Variants in STPG2 observed in about 807,000 individuals in gnomAD.
The protein encoded by STPG2 is sperm tail PG-rich repeat containing 2.
A neutral mutation model predicts 54.2 loss-of-function variants in STPG2; 56 were observed. That is an observed-to-expected ratio of 1.03 (90% CI 0.83 to 1.29). The LOEUF (loss-of-function observed/expected upper bound fraction) is 1.29, where lower values mean the gene tolerates loss of function less well. STPG2 is among the 50% of genes most tolerant of loss of function. STPG2 has a pLI of 0.00. For synonymous variants in STPG2, 200 were observed against 181.8 expected (o/e 1.10, Z -0.81); for missense variants, 596 against 544.9 (o/e 1.09, Z -0.93).
chr4:97,848,622 A>C (rs904776745), intron 8 of STPG2, among the ~76,000 whole-genome samples: 8 of 152,168 alleles, frequency 5.3e-5, no homozygotes, highest in Non-Finnish European at 7.4e-5. Context: ...TTTATTTCAA[A>C]AATAAAGAAG....
intron 5 of STPG2, among the ~76,000 whole-genome samples, chr4:97,982,568 C>T (rs890967449): frequency 4.6e-5 from 7 of 152,116 alleles, no homozygotes; most frequent in Non-Finnish European, 8.8e-5. Flanking sequence ...ATCTAGGATT[C>T]GTATTCCAAA....
chr4:98,082,923 C>G (rs2110117872), intron 5 of STPG2, among the ~76,000 whole-genome samples: 1 of 152,254 alleles, frequency 6.6e-6, no homozygotes, highest in East Asian at 1.9e-4. Context: ...TAAATCTACT[C>G]CATGTGTATT....
intron 8 of STPG2, among the ~76,000 whole-genome samples, chr4:97,865,719 A>G (rs1183201747): frequency 6.6e-6 from 1 of 151,972 alleles, no homozygotes; most frequent in East Asian, 1.9e-4. Flanking sequence ...GGTGAGGGGG[A>G]AGGGATAGTA....
At chr4:97,544,258 T>C (rs561667221) in intron 4 of STPG2, among the ~76,000 whole-genome samples, 1 of 152,242 alleles carries the variant, frequency 6.6e-6, no homozygotes, top group East Asian at 1.9e-4. Flanking sequence ...CGTAAAAGTA[T>C]ACAGACCAGA....
intron 9 of STPG2, among the ~76,000 whole-genome samples, chr4:97,770,701 A>C (rs1279555179): frequency 6.6e-6 from 1 of 152,172 alleles, no homozygotes; most frequent in East Asian, 1.9e-4. Context: ...ATGTATTTTG[A>C]AGATAGATTC....
intron 7 of STPG2, among the ~76,000 whole-genome samples, chr4:97,960,917 G>T (rs1318386039): frequency 1.3e-5 from 2 of 151,990 alleles, no homozygotes; most frequent in East Asian, 3.9e-4. Flanking sequence ...GAACAAATGT[G>T]GAGGCATCAC....
intron 5 of STPG2, among the ~76,000 whole-genome samples, chr4:98,058,101 C>T (rs1737534494): frequency 1.3e-5 from 2 of 152,176 alleles, no homozygotes; most frequent in African/African-American, 4.8e-5. Flanking sequence ...CCAGCCACTA[C>T]AAAAACACAC....
intron 7 of STPG2, among the ~76,000 whole-genome samples, chr4:97,958,542 G>A (rs1266864945): frequency 2.0e-5 from 3 of 152,040 alleles, no homozygotes; most frequent in Admixed American, 2.0e-4. Flanking sequence ...GTAAAGGGGT[G>A]GAAAAAGACA....
intron 10 of STPG2, among the ~76,000 whole-genome samples, chr4:97,570,626 C>T (rs978318234): frequency 6.6e-6 from 1 of 151,736 alleles, no homozygotes; most frequent in South Asian, 2.1e-4. Flanking sequence ...CCACTGAAGA[C>T]AATTTTGGAG....
chr4:98,049,525 A>C (rs1737246643), intron 5 of STPG2, among the ~76,000 whole-genome samples: 1 of 152,218 alleles, frequency 6.6e-6, no homozygotes, highest in Non-Finnish European at 1.5e-5. Context: ...ATTGAAACAC[A>C]TATATTTAAC....
chr4:97,612,957 AT>A (rs1285376490), intron 10 of STPG2, among the ~76,000 whole-genome samples: 1 of 151,968 alleles, frequency 6.6e-6, no homozygotes, highest in African/African-American at 2.4e-5. Context: ...TACCAAGCCA[AT>A]TTTAATAAAC....
At chr4:97,885,048 A>G (rs1433131707) in intron 8 of STPG2, among the ~76,000 whole-genome samples, 4 of 152,218 alleles carry the variant, frequency 2.6e-5, no homozygotes, top group Non-Finnish European at 5.9e-5. Flanking sequence ...GTACCTCAGT[A>G]TATGTCTGGG....
intron 4 of STPG2, among the ~76,000 whole-genome samples, chr4:97,456,278 C>T (rs1224416139): frequency 2.0e-5 from 3 of 151,808 alleles, no homozygotes; most frequent in Admixed American, 1.3e-4. Context: ...ACAATCATGG[C>T]GGAAAGCAAA....
chr4:98,011,459 C>T (rs969036560), intron 5 of STPG2, among the ~76,000 whole-genome samples: 2 of 152,026 alleles, frequency 1.3e-5, no homozygotes, highest in Admixed American at 6.6e-5. Flanking sequence ...GATTTATATG[C>T]CTTTCGATAT....
At chr4:98,004,861 A>T (rs1735526313) in intron 5 of STPG2, among the ~76,000 whole-genome samples, 1 of 151,588 alleles carries the variant, frequency 6.6e-6, no homozygotes, top group African/African-American at 2.4e-5. Context: ...CATCAATTTG[A>T]GTTCTTTCTA....
chr4:98,143,457 G>A lies in STPG2; in HGVS notation c.-307C>T, dbSNP rs901023403. ...ATTGGGTATTAGGGATTAGACGCTCGCCCCGGTGCTTCCGGCCCTGACTCC... is the reference window on the plus strand; with the variant it reads ...ATTGGGTATTAGGGATTAGACGCTCACCCCGGTGCTTCCGGCCCTGACTCC... On this transcript the variant is annotated 5_prime_UTR_variant, in exon 1 of 11. Transcript: ENST00000295268. 2.0e-5 allele frequency among the ~76,000 whole-genome samples: 3 copies of A among 152,150 alleles called. No homozygotes were observed. The highest frequency in any genetic ancestry group is 6.5e-5 in the Admixed American group (1 of 15,284).
chr4:97,836,807 A>C (rs761813452), intron 9 of STPG2, among the ~76,000 whole-genome samples: 6 of 150,668 alleles, frequency 4.0e-5, no homozygotes, highest in Non-Finnish European at 3.0e-5. Context: ...ATCACAGCAT[A>C]TATTATTCAT....
chr4:97,898,375 A>C lies in STPG2; in HGVS notation c.1044+45522T>G, dbSNP rs114035882. Among the ~76,000 whole-genome samples, 497 of 127,740 alleles carry C rather than the reference A, an allele frequency of 3.9e-3. 4 individuals carry two copies. The highest frequency in any genetic ancestry group is 0.014 in the African/African-American group (477 of 35,058). 83.8% of individuals were successfully genotyped at this position (127,740 alleles called of 152,430 possible). A position where few individuals can be genotyped will look rare whatever the true frequency, so the allele number is the denominator to read the frequency against. ...AATTACCAATAAGTTGTCCAATTACAGAATTGTTGGAAATGAGGAAAATAA... is the reference window on the plus strand; with the variant it reads ...AATTACCAATAAGTTGTCCAATTACCGAATTGTTGGAAATGAGGAAAATAA... On this transcript the variant is annotated intron_variant, in intron 8 of 10. Transcript: ENST00000295268.
intron 4 of STPG2, among the ~76,000 whole-genome samples, chr4:97,488,769 A>T (rs1311220985): frequency 6.6e-6 from 1 of 151,740 alleles, no homozygotes. Context: ...CATCATTTCC[A>T]CTCACATTGC....
Sources: allele counts gnomAD v4.1 joint callset (sites outside exome capture counted in the v4.1 genomes callset), GRCh38; gene constraint gnomAD v4.1.1; transcripts MANE v1.5; gene names NCBI Gene and HGNC (gene_info 2026-07-23, HGNC 2026-07-21).